MYO1E: variants seen among roughly 807,000 people sequenced by gnomAD.
MYO1E encodes the protein unconventional myosin-Ie.
Under a neutral mutation model 151.1 loss-of-function variants are expected in MYO1E, and 68 were observed. The ratio of observed to expected loss-of-function variants is 0.45; its 90% CI spans 0.37 to 0.55. The LOEUF is 0.55. Ranked by LOEUF, MYO1E falls within the 20% of genes least tolerant of loss-of-function variation. The pLI, the probability that MYO1E is intolerant of heterozygous loss-of-function variation, is 0.00. For missense variants in MYO1E, 1,363 were observed against 1,389.3 expected, an observed-to-expected ratio of 0.98 and a Z score of 0.30; for synonymous variants, 601 against 501.7, an observed-to-expected ratio of 1.20 and a Z score of -2.64.
chr15:59,162,654 AAAAAG>A lies in MYO1E; in HGVS notation c.2627+498_2627+502del, dbSNP rs1266038493. ...GAACGAGACGCCATCTCAAGAAAAA[AAAAAG>A]AAAAAAAAAAAAAAAGAAAGAAAGG... On this transcript the variant is annotated intron_variant, in intron 23 of 27. Transcript: ENST00000288235. 5.5e-4 allele frequency among the ~76,000 whole-genome samples: 71 copies of A among 128,976 alleles called. No homozygotes were observed. The East Asian group carries it at 0.014, about 26-fold the overall frequency. The allele number at this position is 128,976 out of a possible 152,430, so 84.6% of individuals were successfully genotyped here. A position where few individuals can be genotyped will look rare whatever the true frequency, so the allele number is the denominator to read the frequency against.
At chr15:59,260,687 T>C (rs1043331166) in intron 3 of MYO1E, among the ~76,000 whole-genome samples, 4 of 152,116 alleles carry the variant, frequency 2.6e-5, no homozygotes, top group Non-Finnish European at 5.9e-5. Context: ...AATGAAGTAA[T>C]ACAAGATTCA....
chr15:59,204,017 C>T (rs1364569586), intron 15 of MYO1E, among the ~76,000 whole-genome samples: 3 of 152,130 alleles, frequency 2.0e-5, no homozygotes, highest in African/African-American at 7.2e-5. Flanking sequence ...AGGCCATGTC[C>T]GTATGACAGC....
At chr15:59,233,681 A>AAAAT (rs1246342696) in intron 5 of MYO1E, among the ~76,000 whole-genome samples, 2 of 150,598 alleles carry the variant, frequency 1.3e-5, no homozygotes, top group Non-Finnish European at 3.0e-5. Flanking sequence ...AAAAAAAAAA[A>AAAAT]AAAAGGCAGC....
chr15:59,370,773 A>C (rs779314061), intron 1 of MYO1E, among the ~76,000 whole-genome samples: 31 of 152,220 alleles, frequency 2.0e-4, no homozygotes, highest in Admixed American at 9.8e-4. Context: ...GGGGAAGTTA[A>C]TTTCCTCAAG....
At position 59,154,461 on chromosome 15, in the gene MYO1E, G is replaced by A. The variant is rs867382821; in HGVS notation, c.2879-670C>T. Among the ~76,000 whole-genome samples the A allele has an allele frequency of 2.4e-4, 37 of 152,224 alleles. 1 individual carries two copies. Among genetic ancestry groups the A allele is most frequent in the Non-Finnish European group, 3.2e-4 (22 of 68,034 alleles). ...TACAGTGGCAGGCTCCAAACCATGC[G>A]TCTTGGCAGACTCGGGCATTAGCAT... is the stretch of plus-strand genomic sequence containing the variant. On this transcript the variant is annotated intron_variant, in intron 25 of 27. Coordinates refer to ENST00000288235, the MANE Select transcript of MYO1E (RefSeq NM_004998.4).
chr15:59,283,216 C>T (rs2080367987), intron 1 of MYO1E, among the ~76,000 whole-genome samples: 1 of 151,872 alleles, frequency 6.6e-6, no homozygotes, highest in Non-Finnish European at 1.5e-5. Context: ...CCATCTCTAA[C>T]CCCTGCTTTC....
At chr15:59,315,221 A>G (rs1387646721) in intron 1 of MYO1E, among the ~76,000 whole-genome samples, 2 of 152,110 alleles carry the variant, frequency 1.3e-5, no homozygotes, top group Admixed American at 6.6e-5. Flanking sequence ...TGTGTTGCCT[A>G]AACAATAGCT....
chr15:59,206,901 T>C (rs1360574001), intron 14 of MYO1E: 1 of 1,581,966 alleles, frequency 6.3e-7, no homozygotes, highest in Admixed American at 1.8e-5. Flanking sequence ...GATCAGCAGC[T>C]TTTTTCCATT....
At chr15:59,300,296 GCACA>G (rs142354170) in intron 1 of MYO1E, among the ~76,000 whole-genome samples, 3 of 150,088 alleles carry the variant, frequency 2.0e-5, no homozygotes, top group Admixed American at 6.7e-5. Context: ...CCCAGCACGC[GCACA>G]CACACACACA....
At chr15:59,145,220 C>T (rs1201388604) in intron 26 of MYO1E, among the ~76,000 whole-genome samples, 8 of 152,102 alleles carry the variant, frequency 5.3e-5, no homozygotes, top group African/African-American at 1.7e-4. Flanking sequence ...TACTCCCAGC[C>T]GAGGCAATTG....
chr15:59,341,016 C>CAAAAA (rs35367694), intron 1 of MYO1E, among the ~76,000 whole-genome samples: 1 of 86,264 alleles, frequency 1.2e-5, no homozygotes, highest in Admixed American at 1.3e-4. Flanking sequence ...GACTCCATCT[C>CAAAAA]AAAAAAAAAA....
At chr15:59,339,889 C>T (rs1052054574) in intron 1 of MYO1E, among the ~76,000 whole-genome samples, 3 of 150,116 alleles carry the variant, frequency 2.0e-5, no homozygotes, top group African/African-American at 4.9e-5. Flanking sequence ...GCTCTGTCGC[C>T]TAGCCTGGAA....
rs1487632619 is a variant in MYO1E, at chr15:59,174,121, A to T, written c.2164+5T>A. On this transcript the variant is annotated splice_donor_5th_base_variant and intron_variant, in intron 20 of 27. Transcript: ENST00000288235. ...AAAATCAATGAAACAAAATTGCTAA[A>T]ATACCTTCTTCTCTCATTTGAACGT... 8.1e-6 allele frequency: 13 copies of T among 1,610,192 alleles called. No homozygotes were observed. The highest frequency in any genetic ancestry group is 1.1e-5 in the Non-Finnish European group (13 of 1,176,566).
At chr15:59,181,549 C>T (rs1375838094) in intron 18 of MYO1E, among the ~76,000 whole-genome samples, 2 of 152,230 alleles carry the variant, frequency 1.3e-5, no homozygotes, top group Admixed American at 6.5e-5. Flanking sequence ...GCACTTACTT[C>T]AAGAGCATGG....
chr15:59,142,920 C>CAAAAAA (rs10717979), intron 26 of MYO1E, among the ~76,000 whole-genome samples: 1 of 87,224 alleles, frequency 1.1e-5, no homozygotes, highest in African/African-American at 4.2e-5. Context: ...TAATTAGGTG[C>CAAAAAA]AAAAAAAAAA....
chr15:59,218,675 C>T (rs2079934796), intron 9 of MYO1E, among the ~76,000 whole-genome samples: 1 of 151,906 alleles, frequency 6.6e-6, no homozygotes. Context: ...AAATAGTTTG[C>T]CAAATAAAGA....
chr15:59,321,624 T>C (rs1309214870), intron 1 of MYO1E, among the ~76,000 whole-genome samples: 1 of 152,132 alleles, frequency 6.6e-6, no homozygotes, highest in Non-Finnish European at 1.5e-5. Context: ...AAGTGGGAGC[T>C]AAACATTGGG....
chr15:59,236,698 A>G, intron 4 of MYO1E, 26 bp from the exon 5 acceptor site: 1 of 1,581,532 alleles, frequency 6.3e-7, no homozygotes, highest in Non-Finnish European at 8.7e-7. Flanking sequence ...CAAAGAATCC[A>G]CCTGAGAAGT....
intron 1 of MYO1E, among the ~76,000 whole-genome samples, chr15:59,303,677 T>C (rs2080497094): frequency 6.6e-6 from 1 of 151,986 alleles, no homozygotes; most frequent in Non-Finnish European, 1.5e-5. Flanking sequence ...TATCTGCGAG[T>C]AGTGGCACTG....
Sources: allele counts gnomAD v4.1 joint callset (sites outside exome capture counted in the v4.1 genomes callset), GRCh38; gene constraint gnomAD v4.1.1; transcripts MANE v1.5; gene names NCBI Gene and HGNC (gene_info 2026-07-23, HGNC 2026-07-21).